TRPV2: variants seen among roughly 807,000 people sequenced by gnomAD.
TRPV2 encodes OTRPC2.
In TRPV2, 58 loss-of-function variants were observed where a neutral mutation model predicts 91.0. The ratio of observed to expected loss-of-function variants is 0.64; its 90% CI spans 0.52 to 0.79. TRPV2 has a LOEUF of 0.79. Ranked by LOEUF, TRPV2 falls within the 30% of genes least tolerant of loss-of-function variation. The pLI is 0.00. For missense variants in TRPV2, 807 were observed against 969.6 expected, an observed-to-expected ratio of 0.83 and a Z score of 2.23; for synonymous variants, 417 against 414.8, an observed-to-expected ratio of 1.01 and a Z score of -0.06.
chr17:16,427,417 A>C lies in TRPV2; in HGVS notation c.1252-32A>C, dbSNP rs1487633735. On this transcript the variant is annotated intron_variant, in intron 7 of 14. Coordinates refer to ENST00000338560, the MANE Select transcript of TRPV2 (RefSeq NM_016113.5). ...GGTGAGCTGTTCGAGAGAGGACCCA[A>C]GGCCCTAGGTCTCATCTGAGTGTGT... 10 of 1,604,090 alleles carry C rather than the reference A, an allele frequency of 6.2e-6. No individual in the cohort carries two copies. In the Admixed American group the frequency reaches 6.7e-5, roughly 11 times the overall value.
intron 2 of TRPV2, among the ~76,000 whole-genome samples, chr17:16,418,945 C>T (rs1019693585): frequency 7.2e-5 from 11 of 151,912 alleles, no homozygotes; most frequent in African/African-American, 2.4e-4. Flanking sequence ...TTGAAATCCC[C>T]ACCTGATTCA....
chr17:16,419,362 T>C (rs4792739), intron 2 of TRPV2: 50,606 of 470,548 alleles, frequency 0.11, 9,620 homozygotes, highest in African/African-American at 0.58. Context: ...TGTGCCTTCT[T>C]GGTGGTGTCT....
intron 2 of TRPV2, chr17:16,419,479 C>G (rs977522470): frequency 8.6e-6 from 4 of 465,856 alleles, no homozygotes; most frequent in Non-Finnish European, 1.8e-5. Context: ...GAGTCAGGGT[C>G]TAAAGTTAAA....
intron 10 of TRPV2, 35 bp downstream of exon 10, chr17:16,429,017 G>C (rs764452552): frequency 1.2e-6 from 2 of 1,609,668 alleles, no homozygotes. Context: ...GGACTCTTTT[G>C]GCCTCATCAG....
Position 16,429,238 on chromosome 17 carries a change from G to A in TRPV2, c.1587+256G>A, listed in dbSNP as rs114963226. ...AGCATGTGCATCCTTCCACAAGCAA[G>A]GAGCAAAGAATATGTGCATAAGCTC... is the stretch of plus-strand genomic sequence containing the variant. On this transcript the variant is annotated intron_variant, in intron 10 of 14. Transcript: ENST00000338560. Among the ~76,000 whole-genome samples, 828 of 152,364 alleles carry A rather than the reference G, an allele frequency of 5.4e-3. 5 individuals carry two copies. The highest frequency in any genetic ancestry group is 0.019 in the African/African-American group (771 of 41,592).
In TRPV2 at chr17:16,433,678, C is replaced by T. The variant is rs14039; in HGVS notation, c.2094C>T (p.Pro698=). The T allele has an allele frequency of 2.8e-4, 445 of 1,613,806 alleles. 1 individual carries two copies. In the Admixed American group the frequency reaches 6.2e-3, roughly 23 times the overall value. Residue 698 remains proline (P), a synonymous_variant, in exon 13 of 15, where the codon CCC becomes CCT. Coordinates refer to ENST00000338560, the MANE Select transcript of TRPV2 (RefSeq NM_016113.5). ...TTGGCACTAAGCCAGATGGCAGCCC[C>T]GATGAGCGCTGGTGCTTCAGGTGAG... ...LTVGTKPDGS[P]DERWCFRVEE...
Position 16,423,534 on chromosome 17 carries a change from A to C in TRPV2, c.691A>C (p.Asn231His). 6.2e-7 allele frequency: 1 copy of C among 1,614,088 alleles called. No individual in the cohort carries two copies. The highest frequency in any genetic ancestry group is 8.5e-7 in the Non-Finnish European group (1 of 1,180,014). Residue 231 changes from asparagine (N) to histidine (H), a missense_variant, in exon 5 of 15, where the codon AAC becomes CAC. By Grantham distance (68) the Asn-to-His change is moderately conservative. Transcript: ENST00000338560. Reference protein sequence around the residue: ...QWDVVSYLLENPHQPASLQAT... With the variant: ...QWDVVSYLLEHPHQPASLQAT... ...GGATGTGGTAAGCTACCTCCTGGAG[A>C]ACCCACACCAGCCCGCCAGCCTGCA...
intron 5 of TRPV2, among the ~76,000 whole-genome samples, chr17:16,425,781 G>A (rs571697219): frequency 1.3e-5 from 2 of 152,318 alleles, no homozygotes; most frequent in Non-Finnish European, 2.9e-5. Context: ...ACAGCTAGTA[G>A]ACTCTGATCT....
chr17:16,417,810 C>T lies in TRPV2; in HGVS notation c.142C>T (p.Arg48Trp), dbSNP rs368136795. ...PMESQFQGED[R>W]KFAPQIRVNL... ...GGAGTCACAGTTCCAGGGCGAGGAC[C>T]GGAAATTCGCCCCTCAGATAAGAGT... Residue 48 changes from arginine to tryptophan, a missense_variant, in exon 2 of 15, where the codon CGG becomes TGG. Arg to Trp is a moderately radical substitution (Grantham distance 101). Coordinates refer to ENST00000338560, the MANE Select transcript of TRPV2 (RefSeq NM_016113.5). 4.6e-5 allele frequency: 75 copies of T among 1,614,140 alleles called. No homozygotes were observed. The highest frequency in any genetic ancestry group is 3.3e-4 in the South Asian group (30 of 91,074).
intron 13 of TRPV2, 48 bp downstream of exon 13, chr17:16,433,746 T>C (rs2093423634): frequency 6.2e-7 from 1 of 1,602,452 alleles, no homozygotes; most frequent in Non-Finnish European, 8.5e-7. Context: ...TGTCCAGCAA[T>C]CCCTGGGGCC....
chr17:16,425,055 G>A (rs958562420), intron 5 of TRPV2, among the ~76,000 whole-genome samples: 2 of 106,480 alleles, frequency 1.9e-5, no homozygotes, highest in African/African-American at 7.5e-5. Context: ...ATGGAGTTTC[G>A]CTCTTGTTGC....
In TRPV2 at chr17:16,432,166, C is replaced by T. The variant is rs1214706898; in HGVS notation, c.1855C>T (p.Arg619Cys). 2.5e-6 allele frequency: 4 copies of T among 1,614,232 alleles called. No homozygotes were observed. Among genetic ancestry groups the T allele is most frequent in the South Asian group, 2.2e-5 (2 of 91,088 alleles). The change falls in exon 12 of 15, where the codon CGC becomes TGC. Residue 619 changes from arginine to cysteine, a missense_variant. Transcript: ENST00000338560. ...ELAFQEQLHFRGMVLLLLLAY... is the reference protein window; with the variant it reads ...ELAFQEQLHFCGMVLLLLLAY... The stretch of plus-strand genomic sequence containing the variant: ...GGCCTTCCAGGAGCAGCTGCACTTC[C>T]GCGGCATGGTGCTGCTGCTGCTGCT...
chr17:16,417,196 C>A (rs150142163), intron 1 of TRPV2, among the ~76,000 whole-genome samples: 1 of 152,194 alleles, frequency 6.6e-6, no homozygotes, highest in East Asian at 1.9e-4. Context: ...GTGGGTGGAC[C>A]TACTTGCACT....
rs1028277402 is a variant in TRPV2, at chr17:16,422,747, C to T, written c.483C>T (p.Tyr161=). The T allele has an allele frequency of 1.1e-5, 18 of 1,588,202 alleles. No individual in the cohort carries two copies. Among genetic ancestry groups the T allele is most frequent in the East Asian group, 2.3e-5 (1 of 43,500 alleles). ...LVNAQCTDDY[Y]RGHSALHIAI... Reference sequence around the variant, plus strand: ...ATGCCCAGTGCACAGATGACTATTACCGAGGCCACAGCGCTCTGCACATCG... The same window carrying T: ...ATGCCCAGTGCACAGATGACTATTATCGAGGCCACAGCGCTCTGCACATCG... The change falls in exon 4 of 15, where the codon TAC becomes TAT. Residue 161 remains tyrosine (Y), a synonymous_variant. Transcript: ENST00000338560.
chr17:16,431,281 ATATATACATAT>A (rs1304022345), intron 10 of TRPV2, among the ~76,000 whole-genome samples: 1 of 59,460 alleles, frequency 1.7e-5, no homozygotes, highest in African/African-American at 6.7e-5. Flanking sequence ...ATATATATAT[ATATATACATAT>A]TTTTTTTTTT....
At position 16,432,303 on chromosome 17, in the gene TRPV2, GCCA is replaced by G; in HGVS notation, c.1989+7_1989+9del. On this transcript the variant is annotated splice_donor_5th_base_variant and intron_variant, in intron 12 of 14. Transcript: ENST00000338560. ...GCTGGAGCATCTGGAAGCTGCAGGTGCCACCAGAGAGGCTCCCTGCCCCCACCC... is the reference window on the plus strand; with the variant it reads ...GCTGGAGCATCTGGAAGCTGCAGGTGCCAGAGAGGCTCCCTGCCCCCACCC... The G allele has an allele frequency of 1.9e-6, 3 of 1,599,264 alleles. No homozygotes were observed. Among genetic ancestry groups the G allele is most frequent in the Admixed American group, 1.7e-5 (1 of 59,584 alleles).
At chr17:16,434,826 T>C (rs1351606831) in intron 13 of TRPV2, 64 bp from the exon 14 acceptor site, 1 of 1,541,278 alleles carries the variant, frequency 6.5e-7, no homozygotes, top group Non-Finnish European at 8.9e-7. Flanking sequence ...GCCACGCCCC[T>C]CTCCGGGGTG....
intron 4 of TRPV2, 64 bp from the exon 5 acceptor site, chr17:16,423,405 G>A: frequency 6.5e-7 from 1 of 1,528,748 alleles, no homozygotes; most frequent in Non-Finnish European, 8.8e-7. Flanking sequence ...TGTCCAAGGA[G>A]CATGAGGAGT....
At chr17:16,424,623 T>C (rs1437900075) in intron 5 of TRPV2, among the ~76,000 whole-genome samples, 2 of 152,162 alleles carry the variant, frequency 1.3e-5, no homozygotes, top group Non-Finnish European at 2.9e-5. Context: ...AAAAGTCGTT[T>C]GTGTTTCTTT....
Sources: gnomAD v4.1 joint callset for allele counts (sites outside exome capture counted in the v4.1 genomes callset) on GRCh38, gnomAD v4.1.1 for gene constraint, MANE v1.5 for transcripts, NCBI Gene and HGNC (gene_info 2026-07-23, HGNC 2026-07-21) for gene names.